The following ADAM23 variants were observed in gnomAD, a reference collection of about 807,000 sequenced individuals.
ADAM23 encodes ADAM metallopeptidase domain 23.
A neutral mutation model predicts 120.1 loss-of-function variants in ADAM23; 33 were observed. That is an observed-to-expected ratio of 0.27 (90% CI 0.21 to 0.37). The LOEUF is 0.37. ADAM23 is among the 10% of genes least tolerant of loss of function. The pLI, the probability that ADAM23 is intolerant of heterozygous loss-of-function variation, is 1.00. For missense variants in ADAM23, 862 were observed against 1,058.2 expected, an observed-to-expected ratio of 0.81 and a Z score of 2.57; for synonymous variants, 367 against 375.2, an observed-to-expected ratio of 0.98 and a Z score of 0.25.
chr2:206,524,343 A>G (rs1194150347), intron 3 of ADAM23, among the ~76,000 whole-genome samples: 2 of 152,174 alleles, frequency 1.3e-5, no homozygotes, highest in Non-Finnish European at 2.9e-5. Context: ...TGACAAGTTC[A>G]GTGTCTTGCA....
intron 2 of ADAM23, among the ~76,000 whole-genome samples, chr2:206,456,948 C>G (rs1441028549): frequency 1.3e-5 from 2 of 152,142 alleles, no homozygotes; most frequent in African/African-American, 4.8e-5. Flanking sequence ...GTCTGAATCA[C>G]TTAGTCGGGT....
intron 3 of ADAM23, among the ~76,000 whole-genome samples, chr2:206,504,845 A>G (rs1479365588): frequency 8.5e-5 from 13 of 152,196 alleles, no homozygotes; most frequent in Non-Finnish European, 1.2e-4. Flanking sequence ...AGTATTGCCT[A>G]TAGGGCTCTT....
chr2:206,543,355 C>T, intron 6 of ADAM23, 39 bp downstream of exon 6: 1 of 1,514,500 alleles, frequency 6.6e-7, no homozygotes, highest in Non-Finnish European at 9.2e-7. Flanking sequence ...GCGTTCTACT[C>T]CTCCAGCAAC....
Position 206,487,184 on chromosome 2 carries a change from A to G in ADAM23, c.509+5876A>G, listed in dbSNP as rs145958261. Among the ~76,000 whole-genome samples the G allele has an allele frequency of 4.3e-4, 66 of 152,322 alleles. 2 individuals are homozygous for G. The East Asian group carries it at 0.011, about 25-fold the overall frequency. ...TGAATTATTATTACCTCCGTGAGGC[A>G]GTCACTGCGCTGAGATGTTGGGGGA... On this transcript the variant is annotated intron_variant, in intron 3 of 25. Coordinates refer to ENST00000264377, the MANE Select transcript of ADAM23 (RefSeq NM_003812.4).
At chr2:206,473,578 TAATA>T (rs1401861846) in intron 2 of ADAM23, among the ~76,000 whole-genome samples, 1 of 148,334 alleles carries the variant, frequency 6.7e-6, no homozygotes, top group East Asian at 2.0e-4. Flanking sequence ...TCTAAAATAA[TAATA>T]ATAATAATAA....
chr2:206,575,953 A>G lies in ADAM23; in HGVS notation c.1737+2758A>G, dbSNP rs11888104. Among the ~76,000 whole-genome samples the G allele has an allele frequency of 6.8e-3, 1,043 of 152,272 alleles. 20 individuals are homozygous for G. The highest frequency in any genetic ancestry group is 0.024 in the African/African-American group (1,005 of 41,556). On this transcript the variant is annotated intron_variant, in intron 18 of 25. Transcript: ENST00000264377. The stretch of plus-strand genomic sequence containing the variant: ...ACCAGAAGAAAAAATGAGGAGAGAG[A>G]AAGAAGGGTTCCTAAGTAACATTTT...
At chr2:206,473,599 T>TAATAATAATAATAATAATAACAAC (rs545339986) in intron 2 of ADAM23, among the ~76,000 whole-genome samples, 1 of 148,504 alleles carries the variant, frequency 6.7e-6, no homozygotes, top group Non-Finnish European at 1.5e-5. Flanking sequence ...ATAATAATAA[T>TAATAATAATAATAATAATAACAAC]AACAACAACA....
intron 25 of ADAM23, among the ~76,000 whole-genome samples, chr2:206,616,447 A>G (rs1006591596): frequency 6.6e-6 from 1 of 152,244 alleles, no homozygotes; most frequent in African/African-American, 2.4e-5. Flanking sequence ...AAAAGAAAAG[A>G]CAAGTTTTCT....
intron 2 of ADAM23, among the ~76,000 whole-genome samples, chr2:206,464,302 T>TTACA (rs1695492791): frequency 6.6e-6 from 1 of 152,140 alleles, no homozygotes; most frequent in Admixed American, 6.5e-5. Context: ...TGACTGGGCA[T>TTACA]GGTGGCTGAC....
At chr2:206,580,469 G>C (rs771781090) in intron 18 of ADAM23, among the ~76,000 whole-genome samples, 1 of 152,154 alleles carries the variant, frequency 6.6e-6, no homozygotes, top group Non-Finnish European at 1.5e-5. Flanking sequence ...CACCTATTGA[G>C]ATGATCATGT....
rs1698466998 is a variant in ADAM23, at chr2:206,593,655, A to T, written c.2078+919A>T. ...AAATTTGTAGTCTCTAAAGCTAGTTACTTTGACGTATACAAGCTTTATTTG... is the reference window on the plus strand; with the variant it reads ...AAATTTGTAGTCTCTAAAGCTAGTTTCTTTGACGTATACAAGCTTTATTTG... On this transcript the variant is annotated intron_variant, in intron 22 of 25. Coordinates refer to ENST00000264377, the MANE Select transcript of ADAM23 (RefSeq NM_003812.4). 3.9e-5 allele frequency among the ~76,000 whole-genome samples: 6 copies of T among 152,068 alleles called. No homozygotes were observed. The South Asian group carries it at 1.2e-3, about 31-fold the overall frequency.
intron 12 of ADAM23, among the ~76,000 whole-genome samples, 188 bp from the exon 13 acceptor site, chr2:206,562,015 G>GT (rs1269483146): frequency 6.6e-6 from 1 of 152,202 alleles, no homozygotes; most frequent in Non-Finnish European, 1.5e-5. Flanking sequence ...ATATCACATA[G>GT]TAAGAGGGGC....
chr2:206,496,340 A>T (rs1392929338), intron 3 of ADAM23, among the ~76,000 whole-genome samples: 2 of 152,224 alleles, frequency 1.3e-5, no homozygotes, highest in East Asian at 3.8e-4. Context: ...ACTCAGGATT[A>T]AGAAACTCAC....
chr2:206,446,362 C>T (rs369893363), intron 2 of ADAM23, among the ~76,000 whole-genome samples: 1 of 152,092 alleles, frequency 6.6e-6, no homozygotes, highest in African/African-American at 2.4e-5. Context: ...TGTTGTTTAT[C>T]GGGAGCAGAA....
intron 21 of ADAM23, among the ~76,000 whole-genome samples, 165 bp from the exon 22 acceptor site, chr2:206,592,452 A>G (rs1326480080): frequency 1.3e-5 from 2 of 152,228 alleles, no homozygotes; most frequent in African/African-American, 4.8e-5. Context: ...TCCTCTTAGC[A>G]AAGAAGGAGG....
intron 6 of ADAM23, among the ~76,000 whole-genome samples, chr2:206,545,455 C>T (rs1210917902): frequency 6.6e-6 from 1 of 152,076 alleles, no homozygotes; most frequent in African/African-American, 2.4e-5. Flanking sequence ...CTTTGCACTC[C>T]AGCCTGGGCG....
At chr2:206,580,383 T>TA (rs1698199631) in intron 18 of ADAM23, among the ~76,000 whole-genome samples, 1 of 152,198 alleles carries the variant, frequency 6.6e-6, no homozygotes, top group African/African-American at 2.4e-5. Flanking sequence ...TACATTGAGG[T>TA]ATGTCCCTTG....
At chr2:206,462,728 G>T (rs1013847462) in intron 2 of ADAM23, among the ~76,000 whole-genome samples, 4 of 152,082 alleles carry the variant, frequency 2.6e-5, no homozygotes, top group African/African-American at 9.7e-5. Flanking sequence ...GGTTGATGGT[G>T]AGGGATGGAG....
At chr2:206,483,624 G>A (rs149237975) in intron 3 of ADAM23, among the ~76,000 whole-genome samples, 2 of 152,118 alleles carry the variant, frequency 1.3e-5, no homozygotes, top group Admixed American at 1.3e-4. Flanking sequence ...TCAGGAGAAT[G>A]ATTAAACAGA....
Sources: gnomAD v4.1 joint callset for allele counts (sites outside exome capture counted in the v4.1 genomes callset) on GRCh38, gnomAD v4.1.1 for gene constraint, MANE v1.5 for transcripts, NCBI Gene and HGNC (gene_info 2026-07-23, HGNC 2026-07-21) for gene names.